Variants in POU6F2 observed in about 807,000 individuals in gnomAD.
POU6F2 encodes POU domain, class 6, transcription factor 2.
In POU6F2, 31 loss-of-function variants were observed where a neutral mutation model predicts 71.3. That is an observed-to-expected ratio of 0.43 (90% CI 0.33 to 0.59). The LOEUF is 0.59. Ranked by LOEUF, POU6F2 falls within the 20% of genes least tolerant of loss-of-function variation. The pLI is 0.04. For missense variants in POU6F2, 783 were observed against 856.8 expected, an observed-to-expected ratio of 0.91 and a Z score of 1.07; for synonymous variants, 347 against 355.7, an observed-to-expected ratio of 0.98 and a Z score of 0.27.
intron 1 of POU6F2, among the ~76,000 whole-genome samples, chr7:39,044,108 C>T (rs1474099097): frequency 6.6e-6 from 1 of 151,878 alleles, no homozygotes; most frequent in Admixed American, 6.6e-5. Context: ...TTTGAACAAA[C>T]ACCCTAGGGG....
intron 1 of POU6F2, among the ~76,000 whole-genome samples, chr7:39,036,868 A>G (rs1790076708): frequency 1.2e-5 from 1 of 81,064 alleles, no homozygotes; most frequent in Admixed American, 1.6e-4. Flanking sequence ...ATGAAAGAGT[A>G]CCTGTTATTA....
intron 4 of POU6F2, among the ~76,000 whole-genome samples, chr7:39,233,077 CATTT>C (rs1245415752): frequency 1.3e-5 from 2 of 151,998 alleles, no homozygotes; most frequent in African/African-American, 2.4e-5. Flanking sequence ...TTAATTAATT[CATTT>C]ATTTATCAGG....
chr7:39,437,650 C>A (rs1788281832), intron 7 of POU6F2, among the ~76,000 whole-genome samples: 1 of 151,896 alleles, frequency 6.6e-6, no homozygotes, highest in African/African-American at 2.4e-5. Flanking sequence ...TCAGTTATTT[C>A]TTGTCTTCTG....
intron 1 of POU6F2, among the ~76,000 whole-genome samples, chr7:39,023,747 C>T (rs566298319): frequency 3.9e-5 from 6 of 152,142 alleles, no homozygotes; most frequent in African/African-American, 9.6e-5. Flanking sequence ...TTATTGAACA[C>T]GTAACTATGA....
intron 5 of POU6F2, among the ~76,000 whole-genome samples, chr7:39,350,468 A>G (rs151257750): frequency 3.3e-5 from 5 of 152,210 alleles, no homozygotes; most frequent in African/African-American, 7.2e-5. Flanking sequence ...ACTCCTGTCT[A>G]AGGTTTAAAA....
At chr7:39,210,352 C>T (rs1794114811) in intron 4 of POU6F2, among the ~76,000 whole-genome samples, 1 of 152,064 alleles carries the variant, frequency 6.6e-6, no homozygotes, top group African/African-American at 2.4e-5. Context: ...CCTTCCTACC[C>T]AGCCCTCTAG....
At chr7:39,058,227 CG>C (rs1790575781) in intron 1 of POU6F2, among the ~76,000 whole-genome samples, 1 of 152,122 alleles carries the variant, frequency 6.6e-6, no homozygotes, top group South Asian at 2.1e-4. Context: ...CTCAGTCTCC[CG>C]GGGAACAATA....
At chr7:39,197,586 G>A (rs1465417864) in intron 2 of POU6F2, among the ~76,000 whole-genome samples, 1 of 152,240 alleles carries the variant, frequency 6.6e-6, no homozygotes, top group African/African-American at 2.4e-5. Flanking sequence ...TCAGTTGTAA[G>A]GAGACTATCC....
chr7:39,245,086 C>T (rs915206123), intron 4 of POU6F2, among the ~76,000 whole-genome samples: 1 of 152,054 alleles, frequency 6.6e-6, no homozygotes, highest in East Asian at 1.9e-4. Flanking sequence ...AATGAATTAG[C>T]GAAGTTAAGG....
At chr7:39,053,497 CT>C (rs779859741) in intron 1 of POU6F2, among the ~76,000 whole-genome samples, 4 of 151,982 alleles carry the variant, frequency 2.6e-5, no homozygotes, top group Non-Finnish European at 2.9e-5. Context: ...ACACCACCAA[CT>C]TTTTTCCCCC....
chr7:39,310,799 G>T (rs1785147806), intron 4 of POU6F2, among the ~76,000 whole-genome samples: 1 of 152,190 alleles, frequency 6.6e-6, no homozygotes, highest in Non-Finnish European at 1.5e-5. Context: ...CAGCGGCAGG[G>T]TGCTGGTGAA....
chr7:39,013,786 A>AG (rs900737506), intron 1 of POU6F2, among the ~76,000 whole-genome samples: 1 of 152,038 alleles, frequency 6.6e-6, no homozygotes, highest in African/African-American at 2.4e-5. Context: ...TAAGTCAATG[A>AG]GTGGAGGAAA....
chr7:39,157,766 G>A (rs931381532), intron 2 of POU6F2, among the ~76,000 whole-genome samples: 20 of 152,200 alleles, frequency 1.3e-4, no homozygotes, highest in African/African-American at 4.8e-4. Context: ...AATCAAGTCG[G>A]GTTAAACATA....
intron 2 of POU6F2, among the ~76,000 whole-genome samples, chr7:39,186,902 T>C (rs1180407874): frequency 6.6e-6 from 1 of 152,220 alleles, no homozygotes; most frequent in Admixed American, 6.5e-5. Context: ...CAGTATCTTG[T>C]CAGATCAAAC....
rs1789060938 is a variant in POU6F2, at chr7:39,465,965, C to T, written c.*1279C>T. The T allele has an allele frequency of 6.6e-6, 1 of 152,218 alleles. No individual in the cohort carries two copies. Among genetic ancestry groups the T allele is most frequent in the African/African-American group, 2.4e-5 (1 of 41,444 alleles). 9.4% of individuals were successfully genotyped at this position (152,218 alleles called of 1,614,324 possible). On this transcript the variant is annotated 3_prime_UTR_variant, in exon 10 of 10. Coordinates refer to ENST00000518318, the MANE Select transcript of POU6F2 (RefSeq NM_001370959.1). ...TGACATGCACACACCCATAAACACACACACAAAGAAACAGGCTAAAAAGAA... is the reference window on the plus strand; with the variant it reads ...TGACATGCACACACCCATAAACACATACACAAAGAAACAGGCTAAAAAGAA...
At chr7:39,032,848 C>T (rs889682597) in intron 1 of POU6F2, among the ~76,000 whole-genome samples, 1 of 152,180 alleles carries the variant, frequency 6.6e-6, no homozygotes, top group Non-Finnish European at 1.5e-5. Context: ...TGGGAGCAGT[C>T]GGTCCACTCC....
intron 1 of POU6F2, among the ~76,000 whole-genome samples, chr7:39,053,998 G>T (rs188570994): frequency 1.3e-5 from 2 of 152,024 alleles, no homozygotes; most frequent in Non-Finnish European, 2.9e-5. Context: ...AGCTACTAGG[G>T]AGGCTGAGGC....
At chr7:39,166,065 T>A (rs960070769) in intron 2 of POU6F2, among the ~76,000 whole-genome samples, 2 of 152,216 alleles carry the variant, frequency 1.3e-5, no homozygotes, top group African/African-American at 4.8e-5. Flanking sequence ...TACCTGTTCA[T>A]GTTCATCTTA....
At chr7:39,007,308 G>A (rs12669446) in intron 1 of POU6F2, among the ~76,000 whole-genome samples, 49,816 of 151,938 alleles carry the variant, frequency 0.33, 8,847 homozygotes, top group East Asian at 0.69. Context: ...CTTCTATTTC[G>A]AGATATCTGC....
Sources: allele counts gnomAD v4.1 joint callset (sites outside exome capture counted in the v4.1 genomes callset), GRCh38; gene constraint gnomAD v4.1.1; transcripts MANE v1.5; gene names NCBI Gene and HGNC (gene_info 2026-07-23, HGNC 2026-07-21).